The following ITGA8 variants were observed in gnomAD, a reference collection of about 807,000 sequenced individuals.
ITGA8 encodes integrin alpha-8.
Under a neutral mutation model 142.3 loss-of-function variants are expected in ITGA8, and 91 were observed. That is an observed-to-expected ratio of 0.64 (90% CI 0.54 to 0.76). ITGA8 has a LOEUF of 0.76. ITGA8 is among the 30% of genes least tolerant of loss of function. ITGA8 has a pLI of 0.00. For synonymous variants in ITGA8, 505 were observed against 485.2 expected, an observed-to-expected ratio of 1.04 and a Z score of -0.54; for missense variants, 1,406 against 1,327.7, an observed-to-expected ratio of 1.06 and a Z score of -0.92.
At chr10:15,673,790 C>T (rs1212929057) in intron 6 of ITGA8, among the ~76,000 whole-genome samples, 2 of 149,606 alleles carry the variant, frequency 1.3e-5, no homozygotes, top group Admixed American at 6.6e-5. Context: ...AATCCATGGG[C>T]ACCAACATTG....
At chr10:15,595,113 A>G (rs1832991389) in intron 21 of ITGA8, among the ~76,000 whole-genome samples, 1 of 152,234 alleles carries the variant, frequency 6.6e-6, no homozygotes. Flanking sequence ...ATATTACTAT[A>G]GCTACTCTAT....
chr10:15,600,860 A>T (rs1588667761), intron 20 of ITGA8, among the ~76,000 whole-genome samples: 1 of 152,146 alleles, frequency 6.6e-6, no homozygotes, highest in African/African-American at 2.4e-5. Flanking sequence ...TCTCCATCCA[A>T]CTGCTACTGT....
intron 13 of ITGA8, among the ~76,000 whole-genome samples, chr10:15,639,679 A>G: frequency 6.6e-6 from 1 of 152,208 alleles, no homozygotes; most frequent in East Asian, 1.9e-4. Context: ...CAGCAGGGAA[A>G]CACTGCTCTA....
At position 15,672,684 on chromosome 10, in the gene ITGA8, T is replaced by G; in HGVS notation, c.742A>C (p.Lys248Gln). The G allele has an allele frequency of 6.2e-7, 1 of 1,613,932 alleles. No homozygotes were observed. The highest frequency in any genetic ancestry group is 8.5e-7 in the Non-Finnish European group (1 of 1,179,894). Residue 248 changes from lysine to glutamine, a missense_variant, in exon 7 of 30, where the codon AAA (lysine) becomes CAA (glutamine). By Grantham distance (53) the Lys-to-Gln change is moderately conservative. Coordinates refer to ENST00000378076, the MANE Select transcript of ITGA8 (RefSeq NM_003638.3). ...ANYSFKDILR[K>Q]LAGEKQTEVA... ...TCCGTCTGCTTTTCTCCTGCCAGTT[T>G]CCTGAGGATATCCTTGAATGAGTAA...
chr10:15,719,826 G>T lies in ITGA8; in HGVS notation c.-55C>A. On this transcript the variant is annotated 5_prime_UTR_variant, in exon 1 of 30. Transcript: ENST00000378076. Reference sequence around the variant, plus strand: ...CCAGGAGCGCGAGCCGAGGACCCCTGCGGGGCAAGGGGGGCTGGTGGAATC... The same window carrying T: ...CCAGGAGCGCGAGCCGAGGACCCCTTCGGGGCAAGGGGGGCTGGTGGAATC... 1 of 1,245,154 alleles carries T rather than the reference G, an allele frequency of 8.0e-7. No individual in the cohort carries two copies. The highest frequency in any genetic ancestry group is 1.0e-6 in the Non-Finnish European group (1 of 978,180). 77.1% of individuals were successfully genotyped at this position (1,245,154 alleles called of 1,614,324 possible).
intron 25 of ITGA8, among the ~76,000 whole-genome samples, chr10:15,564,128 C>T (rs2131575106): frequency 6.6e-6 from 1 of 152,308 alleles, no homozygotes; most frequent in East Asian, 1.9e-4. Context: ...TGATGGAACA[C>T]ATCTCTTTCT....
chr10:15,569,074 G>A (rs1834129892), intron 25 of ITGA8, among the ~76,000 whole-genome samples: 1 of 152,176 alleles, frequency 6.6e-6, no homozygotes, highest in African/African-American at 2.4e-5. Flanking sequence ...ACGAAGAAGA[G>A]AGCATTTTTC....
intron 29 of ITGA8, 50 bp from the exon 30 acceptor site, chr10:15,517,294 G>T: frequency 1.6e-6 from 2 of 1,230,482 alleles, no homozygotes; most frequent in Non-Finnish European, 1.2e-6. Flanking sequence ...GGGAACCTGT[G>T]AAACCCCTCA....
chr10:15,553,183 G>C (rs920552318), intron 26 of ITGA8, among the ~76,000 whole-genome samples: 1 of 152,066 alleles, frequency 6.6e-6, no homozygotes. Flanking sequence ...CTTGAATCCG[G>C]GAGGCCGAGG....
chr10:15,585,091 G>A lies in ITGA8; in HGVS notation c.2372+1493C>T, dbSNP rs1832799817. On this transcript the variant is annotated intron_variant, in intron 23 of 29. Coordinates refer to ENST00000378076, the MANE Select transcript of ITGA8 (RefSeq NM_003638.3). ...AGTTTTACAGTGTAACACTCAGGCA[G>A]TTGACATGAGTGAATTACAGGCACG... Among the ~76,000 whole-genome samples, 3 of 152,302 alleles carry A rather than the reference G, an allele frequency of 2.0e-5. No individual in the cohort carries two copies. The South Asian group carries it at 6.2e-4, about 32-fold the overall frequency.
chr10:15,595,209 C>T (rs1832992853), intron 21 of ITGA8, among the ~76,000 whole-genome samples: 1 of 152,060 alleles, frequency 6.6e-6, no homozygotes, highest in African/African-American at 2.4e-5. Context: ...TACCAAGTCA[C>T]TTGAAAGTGA....
intron 22 of ITGA8, among the ~76,000 whole-genome samples, chr10:15,588,318 G>A (rs1360183629): frequency 6.6e-6 from 1 of 152,152 alleles, no homozygotes; most frequent in Non-Finnish European, 1.5e-5. Flanking sequence ...ATATAAACAG[G>A]CAAATGTCAG....
intron 11 of ITGA8, among the ~76,000 whole-genome samples, chr10:15,654,922 A>G (rs968433568): frequency 6.6e-6 from 1 of 152,206 alleles, no homozygotes; most frequent in Non-Finnish European, 1.5e-5. Flanking sequence ...TACTACTGTA[A>G]TCTGAAAAAT....
intron 3 of ITGA8, 141 bp downstream of exon 3, chr10:15,687,797 T>C: frequency 1.8e-6 from 1 of 557,736 alleles, no homozygotes; most frequent in Non-Finnish European, 3.3e-6. Flanking sequence ...AGCATTTAGT[T>C]GCTTTTAAAA....
chr10:15,611,693 ATGG>A (rs1180988834), intron 15 of ITGA8, among the ~76,000 whole-genome samples: 2 of 145,244 alleles, frequency 1.4e-5, no homozygotes, highest in Non-Finnish European at 3.0e-5. Flanking sequence ...GGGTTTCACC[ATGG>A]TCTCGATCTC....
At chr10:15,591,072 A>G (rs906858640) in intron 22 of ITGA8, among the ~76,000 whole-genome samples, 6 of 152,178 alleles carry the variant, frequency 3.9e-5, no homozygotes, top group Non-Finnish European at 8.8e-5. Context: ...TTAAAAATTA[A>G]TCCATTGCAT....
chr10:15,650,704 T>C (rs186847245), intron 11 of ITGA8, among the ~76,000 whole-genome samples: 37 of 152,368 alleles, frequency 2.4e-4, no homozygotes, highest in African/African-American at 8.2e-4. Context: ...TGCTTTAACA[T>C]AGAAACTTTT....
intron 26 of ITGA8, among the ~76,000 whole-genome samples, chr10:15,555,639 C>T (rs922451644): frequency 1.3e-5 from 2 of 152,018 alleles, no homozygotes; most frequent in Non-Finnish European, 2.9e-5. Context: ...ACTGCTGCCC[C>T]TGTAGAAAGA....
Position 15,515,409 on chromosome 10 carries a change from C to T in ITGA8, c.*1749G>A, listed in dbSNP as rs147000822. On this transcript the variant is annotated 3_prime_UTR_variant, in exon 30 of 30. Coordinates refer to ENST00000378076, the MANE Select transcript of ITGA8 (RefSeq NM_003638.3). Reference sequence around the variant, plus strand: ...CTCGTCCATGTGCCTTTCATTTGCTCCTCAATGAAGTTCCGCAGCTGTAGC... The same window carrying T: ...CTCGTCCATGTGCCTTTCATTTGCTTCTCAATGAAGTTCCGCAGCTGTAGC... 4 of 152,308 alleles carry T rather than the reference C, an allele frequency of 2.6e-5. No individual in the cohort carries two copies. In the South Asian group the frequency reaches 8.3e-4, roughly 32 times the overall value. 9.4% of individuals were successfully genotyped at this position (152,308 alleles called of 1,614,324 possible).
Sources: gnomAD v4.1 joint callset for allele counts (sites outside exome capture counted in the v4.1 genomes callset) on GRCh38, gnomAD v4.1.1 for gene constraint, MANE v1.5 for transcripts, NCBI Gene and HGNC (gene_info 2026-07-23, HGNC 2026-07-21) for gene names.